The following ESRRG variants were observed in gnomAD, a reference collection of about 807,000 sequenced individuals.
The protein encoded by ESRRG is estrogen-related receptor gamma.
Under a neutral mutation model 44.0 loss-of-function variants are expected in ESRRG, and 13 were observed. The ratio of observed to expected loss-of-function variants is 0.30; its 90% CI spans 0.19 to 0.47. The LOEUF is 0.47. ESRRG is among the 20% of genes least tolerant of loss of function. The pLI is 1.00. For synonymous variants in ESRRG, 215 were observed against 214.6 expected, an observed-to-expected ratio of 1.00 and a Z score of -0.02; for missense variants, 395 against 580.6, an observed-to-expected ratio of 0.68 and a Z score of 3.29.
intron 1 of ESRRG, among the ~76,000 whole-genome samples, chr1:216,945,616 G>T (rs1229552675): frequency 6.6e-6 from 1 of 152,126 alleles, no homozygotes; most frequent in African/African-American, 2.4e-5. Flanking sequence ...TTTCTTTTCA[G>T]ATTCAGCTTG....
chr1:217,089,805 G>T (rs909526286), upstream of ESRRG, among the ~76,000 whole-genome samples: 1 of 152,108 alleles, frequency 6.6e-6, no homozygotes, highest in African/African-American at 2.4e-5. Flanking sequence ...GCTGCGAGGG[G>T]CAGAGGGGCG....
chr1:217,100,024 G>A (rs375888369), intron 1 of ESRRG, among the ~76,000 whole-genome samples: 141 of 151,206 alleles, frequency 9.3e-4, no homozygotes, highest in African/African-American at 3.1e-3. Flanking sequence ...AATTATTTTG[G>A]TAATGAAAGT....
intron 2 of ESRRG, among the ~76,000 whole-genome samples, chr1:216,752,651 GTA>G (rs2092128421): frequency 6.6e-6 from 1 of 152,026 alleles, no homozygotes. Context: ...CATGGATTCA[GTA>G]TGATGGTAAT....
chr1:216,683,458 T>TA (rs2077386978), intron 1 of ESRRG, among the ~76,000 whole-genome samples: 1 of 152,194 alleles, frequency 6.6e-6, no homozygotes, highest in Non-Finnish European at 1.5e-5. Flanking sequence ...CTTGTGCATT[T>TA]AGTTCAAAAG....
chr1:216,742,168 A>G (rs1250175310), intron 2 of ESRRG, among the ~76,000 whole-genome samples: 2 of 152,184 alleles, frequency 1.3e-5, no homozygotes, highest in Non-Finnish European at 2.9e-5. Flanking sequence ...CACCAAATGC[A>G]TTCTTATTTC....
rs894580776 is a variant in ESRRG at position 216,503,485 on chromosome 1, C to T, written c.*3454G>A. 6.6e-6 allele frequency: 1 copy of T among 152,216 alleles called. No homozygotes were observed. Among genetic ancestry groups the T allele is most frequent in the African/African-American group, 2.4e-5 (1 of 41,154 alleles). 9.4% of individuals were successfully genotyped at this position (152,216 alleles called of 1,614,324 possible). A position where few individuals can be genotyped will look rare whatever the true frequency, so the allele number is the denominator to read the frequency against. ...GCTTTACAGATGTGAAGCCCATCTA[C>T]AGCTATAGACATGGTTTTATTATTA... On this transcript the variant is annotated 3_prime_UTR_variant, in exon 7 of 7. Coordinates refer to ENST00000408911, the MANE Select transcript of ESRRG (RefSeq NM_001438.4).
intron 3 of ESRRG, among the ~76,000 whole-genome samples, chr1:216,593,070 A>G (rs2057934580): frequency 1.3e-5 from 2 of 152,212 alleles, no homozygotes; most frequent in African/African-American, 4.8e-5. Flanking sequence ...TTTGCATTTC[A>G]GCATTATCAA....
rs79606737 is a variant in ESRRG at position 217,087,812 on chromosome 1, G to A, written c.-106+1695C>T. ...AGCCATGCGTAACAGACAAATGTAC[G>A]CTTAAATGATCATCCAGGCCTGCTT... On this transcript the variant is annotated intron_variant, in intron 1 of 7. Coordinates refer to the ESRRG transcript ENST00000359162. 1.7e-3 allele frequency among the ~76,000 whole-genome samples: 254 copies of A among 152,278 alleles called. 1 individual carries two copies. The highest frequency in any genetic ancestry group is 5.7e-3 in the African/African-American group (237 of 41,548).
intron 2 of ESRRG, among the ~76,000 whole-genome samples, chr1:216,824,690 A>C (rs1423766441): frequency 6.6e-6 from 1 of 152,194 alleles, no homozygotes; most frequent in African/African-American, 2.4e-5. Context: ...CCTATTTCTT[A>C]TAATGATTAA....
intron 1 of ESRRG, among the ~76,000 whole-genome samples, chr1:216,951,263 T>G (rs946448915): frequency 3.9e-5 from 6 of 152,220 alleles, no homozygotes; most frequent in Non-Finnish European, 8.8e-5. Context: ...GCTCCTAGTA[T>G]TAATGCCTTA....
At chr1:216,651,318 T>A (rs1214033223) in intron 2 of ESRRG, among the ~76,000 whole-genome samples, 1 of 152,148 alleles carries the variant, frequency 6.6e-6, no homozygotes, top group East Asian at 1.9e-4. Context: ...AAGATGAAGT[T>A]TAAAATTAGC....
chr1:216,859,004 G>A (rs956720253), intron 2 of ESRRG, among the ~76,000 whole-genome samples: 1 of 152,156 alleles, frequency 6.6e-6, no homozygotes, highest in Non-Finnish European at 1.5e-5. Context: ...ATAAGTCCAT[G>A]TATAATGTTT....
intron 4 of ESRRG, among the ~76,000 whole-genome samples, chr1:216,565,801 G>T (rs993184036): frequency 3.3e-5 from 5 of 151,978 alleles, no homozygotes; most frequent in African/African-American, 1.2e-4. Flanking sequence ...ATTTAATTTG[G>T]ATTTTTCTTG....
chr1:216,603,984 T>C (rs2059604406), intron 3 of ESRRG, among the ~76,000 whole-genome samples: 1 of 151,274 alleles, frequency 6.6e-6, no homozygotes, highest in Non-Finnish European at 1.5e-5. Context: ...TTGTTTAACT[T>C]ATGCCATCAC....
At chr1:216,961,636 A>T (rs1198148445) in intron 1 of ESRRG, among the ~76,000 whole-genome samples, 2 of 151,420 alleles carry the variant, frequency 1.3e-5, no homozygotes, top group African/African-American at 4.9e-5. Flanking sequence ...GTTGATTAAC[A>T]ACCTTTTATT....
At chr1:217,088,928 G>A (rs186797628) in intron 1 of ESRRG, among the ~76,000 whole-genome samples, 3 of 152,124 alleles carry the variant, frequency 2.0e-5, no homozygotes. Flanking sequence ...GGTGACCTCC[G>A]TGCAACTTCA....
chr1:216,615,474 A>G (rs1350952242), intron 3 of ESRRG, among the ~76,000 whole-genome samples: 1 of 152,068 alleles, frequency 6.6e-6, no homozygotes, highest in Non-Finnish European at 1.5e-5. Context: ...ATGACGTACA[A>G]TCTCTGTTAA....
At chr1:216,545,214 A>AT (rs1372462960) in intron 5 of ESRRG, among the ~76,000 whole-genome samples, 1 of 147,760 alleles carries the variant, frequency 6.8e-6, no homozygotes, top group African/African-American at 2.5e-5. Context: ...TGCCTAGCTA[A>AT]TTTTTTAATT....
At chr1:217,133,848 T>C (rs1414198311) in intron 1 of ESRRG, among the ~76,000 whole-genome samples, 1 of 151,964 alleles carries the variant, frequency 6.6e-6, no homozygotes, top group Non-Finnish European at 1.5e-5. Context: ...GCATTTACAG[T>C]TGGGGAATGG....
Sources: allele counts gnomAD v4.1 joint callset (sites outside exome capture counted in the v4.1 genomes callset), GRCh38; gene constraint gnomAD v4.1.1; transcripts MANE v1.5; gene names NCBI Gene and HGNC (gene_info 2026-07-23, HGNC 2026-07-21).